JUP: variants seen among roughly 807,000 people sequenced by gnomAD.
JUP encodes the protein catenin (cadherin-associated protein), gamma 80kDa.
Under a neutral mutation model 71.1 loss-of-function variants are expected in JUP, and 28 were observed. That is an observed-to-expected ratio of 0.39 (90% confidence interval 0.29 to 0.54). The LOEUF (loss-of-function observed/expected upper bound fraction) is 0.54, where lower values mean the gene tolerates loss of function less well. JUP is among the 20% of genes least tolerant of loss of function. The pLI, the probability that JUP is intolerant of heterozygous loss-of-function variation, is 0.62. For missense variants in JUP, 869 were observed against 1,030.1 expected, an observed-to-expected ratio of 0.84 and a Z score of 2.14; for synonymous variants, 401 against 438.9, an observed-to-expected ratio of 0.91 and a Z score of 1.08.
chr17:41,770,506 G>T (rs182339972), intron 2 of JUP, among the ~76,000 whole-genome samples: 93 of 152,264 alleles, frequency 6.1e-4, no homozygotes, highest in African/African-American at 2.2e-3. Context: ...TACCAACACA[G>T]TGCCTGGCCC....
chr17:41,772,977 A>G, intron 1 of JUP: 1 of 985,444 alleles, frequency 1.0e-6, no homozygotes, highest in South Asian at 4.7e-5. Context: ...TACGAGCCAG[A>G]CCTTTCACAG....
At chr17:41,783,961 A>G (rs1443232636) in intron 1 of JUP, among the ~76,000 whole-genome samples, 1 of 151,290 alleles carries the variant, frequency 6.6e-6, no homozygotes, top group South Asian at 2.1e-4. Context: ...ATCTTGAGTT[A>G]CCGTTTGTCA....
At chr17:41,758,104 C>T in intron 10 of JUP, 1 of 516,674 alleles carries the variant, frequency 1.9e-6, no homozygotes, top group Non-Finnish European at 3.4e-6. Flanking sequence ...TTTAAAAATG[C>T]TTTTTTAGGT....
chr17:41,779,617 C>T (rs1298856847), intron 1 of JUP, among the ~76,000 whole-genome samples: 1 of 151,928 alleles, frequency 6.6e-6, no homozygotes, highest in Non-Finnish European at 1.5e-5. Flanking sequence ...CGTGAGCCAC[C>T]GCGGCTGGCC....
At chr17:41,780,876 C>T (rs534418918) in intron 1 of JUP, among the ~76,000 whole-genome samples, 12 of 152,012 alleles carry the variant, frequency 7.9e-5, no homozygotes, top group African/African-American at 2.2e-4. Context: ...GAAACCCCGT[C>T]TCTACTAAAA....
At position 41,783,298 on chromosome 17, in the gene JUP, T is replaced by G. The variant is rs1429483717; in HGVS notation, c.-9+3290A>C. Among the ~76,000 whole-genome samples the G allele has an allele frequency of 6.4e-4, 96 of 149,718 alleles. 1 individual carries two copies. The highest frequency in any genetic ancestry group is 6.8e-3 in the Middle Eastern group (2 of 292). On this transcript the variant is annotated intron_variant, in intron 1 of 13. Transcript: ENST00000393931. ...ATAATGATACGCGTTTTTTTTGTTT[T>G]TTTTTTTTTTTTGAGTCAGGGACTC...
chr17:41,758,370 C>A, intron 10 of JUP, 29 bp downstream of exon 10: 1 of 1,611,894 alleles, frequency 6.2e-7, no homozygotes, highest in Non-Finnish European at 8.5e-7. Flanking sequence ...GGTGGGGGGA[C>A]CTCTCCTGCC....
Position 41,757,672 on chromosome 17 carries a change from GGGGCCGAGGCCCCCT to G in JUP, c.1871_1885del (p.Glu624_Pro629delinsAla). 1 of 1,613,574 alleles carries G rather than the reference GGGGCCGAGGCCCCCT, an allele frequency of 6.2e-7. No homozygotes were observed. The highest frequency in any genetic ancestry group is 8.5e-7 in the Non-Finnish European group (1 of 1,179,764). ...GCGGGAGTGCAGCAACTCCATGAGTGGGGCCGAGGCCCCCTCTGCATCAATGGCGTCGGCCGCCTC... is the reference window on the plus strand; with the variant it reads ...GCGGGAGTGCAGCAACTCCATGAGTGCTGCATCAATGGCGTCGGCCGCCTC... On this transcript the variant is annotated inframe_deletion, in exon 11 of 14. Transcript: ENST00000393931.
Position 41,757,733 on chromosome 17 carries a change from A to ACT in JUP, c.1824_1825insAG (p.Cys609SerfsTer79), listed in dbSNP as rs1555598984. 1 of 1,613,048 alleles carries ACT rather than the reference A, an allele frequency of 6.2e-7. No individual in the cohort carries two copies. Among genetic ancestry groups the ACT allele is most frequent in the Non-Finnish European group, 8.5e-7 (1 of 1,179,388 alleles). On this transcript the variant is annotated frameshift_variant, in exon 11 of 14. Transcript: ENST00000393931. LOFTEE classifies it high-confidence loss of function. ...GCCTCCTTGTCCTGGGCCAGCTCAC[A>ACT]CAGCACCCCGGCAGCCACGCGCTGG...
Position 41,755,682 on chromosome 17 carries a change from G to T in JUP, c.*62C>A. 1 of 1,452,338 alleles carries T rather than the reference G, an allele frequency of 6.9e-7. No individual in the cohort carries two copies. Among genetic ancestry groups the T allele is most frequent in the Non-Finnish European group, 9.2e-7 (1 of 1,090,568 alleles). The allele number at this position is 1,452,338 out of a possible 1,614,324, so 90.0% of individuals were successfully genotyped here. ...CGGGGAGATGGGAGGGCCTCCAACA[G>T]AAGGAGGTTCTAGAGAGGAGGAAAA... On this transcript the variant is annotated 3_prime_UTR_variant, in exon 14 of 14. Coordinates refer to ENST00000393931, the MANE Select transcript of JUP (RefSeq NM_002230.4).
intron 1 of JUP, among the ~76,000 whole-genome samples, chr17:41,778,637 C>G (rs909533480): frequency 6.6e-6 from 1 of 151,646 alleles, no homozygotes; most frequent in Non-Finnish European, 1.5e-5. Flanking sequence ...TGTTGCCGAG[C>G]ACGGTGGCTC....
chr17:41,755,176 T>C lies in JUP; in HGVS notation c.*568A>G, dbSNP rs745809031. On this transcript the variant is annotated 3_prime_UTR_variant, in exon 14 of 14. Coordinates refer to ENST00000393931, the MANE Select transcript of JUP (RefSeq NM_002230.4). Reference sequence around the variant, plus strand: ...GGCTGGAGGTTTGGAGGGGCGTTGCTGGGGGAAAACAGAATGGGTACTTGA... The same window carrying C: ...GGCTGGAGGTTTGGAGGGGCGTTGCCGGGGGAAAACAGAATGGGTACTTGA... The C allele has an allele frequency of 1.0e-5, 4 of 397,776 alleles. No individual in the cohort carries two copies. The highest frequency in any genetic ancestry group is 1.8e-5 in the Non-Finnish European group (4 of 226,244). 24.6% of individuals were successfully genotyped at this position (397,776 alleles called of 1,614,324 possible).
At chr17:41,764,530 G>A (rs536861902) in intron 7 of JUP, among the ~76,000 whole-genome samples, 183 bp downstream of exon 7, 8 of 84,324 alleles carry the variant, frequency 9.5e-5, no homozygotes, top group African/African-American at 1.3e-4. Context: ...GTGAGACTCC[G>A]TCAGAAAAAA....
At chr17:41,765,279 T>G (rs1915532376) in intron 5 of JUP, among the ~76,000 whole-genome samples, 1 of 152,074 alleles carries the variant, frequency 6.6e-6, no homozygotes, top group Non-Finnish European at 1.5e-5. Flanking sequence ...CAAGTGATCC[T>G]CACACCTCAG....
chr17:41,772,007 G>A (rs376056678), intron 1 of JUP, 145 bp from the exon 2 acceptor site: 13 of 821,558 alleles, frequency 1.6e-5, no homozygotes, highest in African/African-American at 1.3e-4. Context: ...GGGATGGGGG[G>A]ACTGCCCAGA....
In JUP at chr17:41,763,115, G is replaced by GC; in HGVS notation, c.1364_1365insG (p.Val456ArgfsTer9). 6.2e-7 allele frequency: 1 copy of GC among 1,614,174 alleles called. No individual in the cohort carries two copies. Among genetic ancestry groups the GC allele is most frequent in the Non-Finnish European group, 8.5e-7 (1 of 1,180,028 alleles). ...TAGTGAGGTGGCGCAGAGCGCAGAC[G>GC]GCAGGCTCCGTGATGTCGTCCTTGT... is the stretch of plus-strand genomic sequence containing the variant. On this transcript the variant is annotated frameshift_variant, in exon 8 of 14. Coordinates refer to ENST00000393931, the MANE Select transcript of JUP (RefSeq NM_002230.4). LOFTEE classifies it high-confidence loss of function.
chr17:41,762,439 G>A (rs940578516), intron 8 of JUP, among the ~76,000 whole-genome samples: 2 of 151,944 alleles, frequency 1.3e-5, no homozygotes, highest in Admixed American at 1.3e-4. Flanking sequence ...CACCCAGGCT[G>A]GAGTGCACTG....
chr17:41,757,773 C>G lies in JUP; in HGVS notation c.1785G>C (p.Ser595=), dbSNP rs782816522. The change falls in exon 11 of 14, where the codon TCG becomes TCC. Residue 595 remains serine (S), a synonymous_variant. Coordinates refer to ENST00000393931, the MANE Select transcript of JUP (RefSeq NM_002230.4). ...CCACGCGCTGGATGTTCTCCACCGA[C>G]GAGTACAGGAGCTGGGGAGAGGGGA... is the stretch of plus-strand genomic sequence containing the variant. ...TIPLFVQLLY[S]SVENIQRVAA... The G allele has an allele frequency of 1.2e-6, 2 of 1,610,196 alleles. No individual in the cohort carries two copies. The highest frequency in any genetic ancestry group is 3.3e-5 in the Admixed American group (2 of 59,786).
At chr17:41,785,586 A>G (rs1471774397) in intron 1 of JUP, among the ~76,000 whole-genome samples, 1 of 152,220 alleles carries the variant, frequency 6.6e-6, no homozygotes, top group Non-Finnish European at 1.5e-5. Flanking sequence ...GGGGTTTTGC[A>G]CCAGGAAGGA....
Sources: gnomAD v4.1 joint callset for allele counts (sites outside exome capture counted in the v4.1 genomes callset) on GRCh38, gnomAD v4.1.1 for gene constraint, MANE v1.5 for transcripts, NCBI Gene and HGNC (gene_info 2026-07-23, HGNC 2026-07-21) for gene names.